Variants in RGS10 observed in about 807,000 individuals in gnomAD.
RGS10 encodes the protein regulator of G protein signaling 10.
Under a neutral mutation model 23.5 loss-of-function variants are expected in RGS10, and 11 were observed. That is an observed-to-expected ratio of 0.47 (90% CI 0.29 to 0.77). The LOEUF (loss-of-function observed/expected upper bound fraction) is 0.77. Among genes scored for constraint, RGS10 ranks in the 30% least tolerant of loss-of-function variants. The pLI, the probability that RGS10 is intolerant of heterozygous loss-of-function variation, is 0.08. For synonymous variants in RGS10, 77 were observed against 83.2 expected, an observed-to-expected ratio of 0.92 and a Z score of 0.41; for missense variants, 180 against 226.3, an observed-to-expected ratio of 0.80 and a Z score of 1.31.
At chr10:119,506,204 C>G (rs563653075) in intron 4 of RGS10, among the ~76,000 whole-genome samples, 6 of 152,202 alleles carry the variant, frequency 3.9e-5, no homozygotes, top group South Asian at 2.1e-4. Flanking sequence ...GTGCCTACCC[C>G]CTAAAGTGAA....
chr10:119,535,767 G>A (rs763777940), intron 1 of RGS10, among the ~76,000 whole-genome samples: 2 of 152,122 alleles, frequency 1.3e-5, no homozygotes, highest in South Asian at 2.1e-4. Flanking sequence ...TTAAACATTC[G>A]AGTCCAGGAA....
At chr10:119,512,712 T>TA (rs1476575733) in intron 4 of RGS10, among the ~76,000 whole-genome samples, 1 of 152,128 alleles carries the variant, frequency 6.6e-6, no homozygotes, top group African/African-American at 2.4e-5. Flanking sequence ...CACGCCTGGC[T>TA]AATTTTTGTA....
intron 1 of RGS10, among the ~76,000 whole-genome samples, chr10:119,542,285 G>A (rs757209259): frequency 1.6e-4 from 25 of 152,212 alleles, no homozygotes; most frequent in Non-Finnish European, 3.2e-4. Context: ...GGAGCCCCAT[G>A]TCACCTCCAA....
chr10:119,540,141 C>T (rs1441400521), intron 1 of RGS10, among the ~76,000 whole-genome samples: 4 of 49,586 alleles, frequency 8.1e-5, no homozygotes, highest in Non-Finnish European at 2.6e-4. Context: ...AGACCCTACA[C>T]CTACAATTCC....
At chr10:119,523,357 A>G (rs1844240177) in intron 3 of RGS10, among the ~76,000 whole-genome samples, 1 of 152,162 alleles carries the variant, frequency 6.6e-6, no homozygotes, top group African/African-American at 2.4e-5. Flanking sequence ...GCTTAAGGAC[A>G]CAGACTTTCA....
chr10:119,518,151 GA>G (rs1285142774), intron 3 of RGS10, among the ~76,000 whole-genome samples: 4 of 152,254 alleles, frequency 2.6e-5, no homozygotes, highest in African/African-American at 9.6e-5. Context: ...GTCCGGGTAG[GA>G]ACAGAGCTGG....
At chr10:119,518,035 G>C (rs531534945) in intron 3 of RGS10, among the ~76,000 whole-genome samples, 5 of 152,364 alleles carry the variant, frequency 3.3e-5, no homozygotes, top group Non-Finnish European at 7.3e-5. Context: ...CCAGTCACGG[G>C]AAGGCCTGGT....
Position 119,526,124 on chromosome 10 carries a change from G to A in RGS10, c.169-6C>T, listed in dbSNP as rs749180550. The A allele has an allele frequency of 6.9e-7, 1 of 1,446,006 alleles. No individual in the cohort carries two copies. The highest frequency in any genetic ancestry group is 2.0e-5 in the Admixed American group (1 of 51,126). The allele number at this position is 1,446,006 out of a possible 1,614,324, so 89.6% of individuals were successfully genotyped here. A position where few individuals can be genotyped will look rare whatever the true frequency, so the allele number is the denominator to read the frequency against. On this transcript the variant is annotated splice_region_variant and splice_polypyrimidine_tract_variant and intron_variant, in intron 2 of 4. Coordinates refer to ENST00000369103, the MANE Select transcript of RGS10 (RefSeq NM_001005339.2). Reference sequence around the variant, plus strand: ...AATTCCTTTTTTAAAAATTCCTGTGGATACAAAGAAAAAGAGTCACACAGT... The same window carrying A: ...AATTCCTTTTTTAAAAATTCCTGTGAATACAAAGAAAAAGAGTCACACAGT...
rs1384643023 is a variant in RGS10 at position 119,515,524 on chromosome 10, C to G, written c.384G>C (p.Gln128His). ...ILEEPHPLMF[Q>H]KLQDQIFNLM... is the part of the protein sequence containing the mutation. ...GTCGGGTTACCTGGTCCTGGAGTTT[C>G]TGGAACATCAGAGGGTGCGGTTCTT... Residue 128 changes from glutamine to histidine, a missense_variant, in exon 4 of 5, where the codon CAG becomes CAC. Transcript: ENST00000369103. 2 of 1,614,032 alleles carry G rather than the reference C, an allele frequency of 1.2e-6. No homozygotes were observed. Among genetic ancestry groups the G allele is most frequent in the African/African-American group, 2.7e-5 (2 of 74,912 alleles).
chr10:119,515,229 C>T (rs140776148), intron 4 of RGS10, among the ~76,000 whole-genome samples: 2 of 152,180 alleles, frequency 1.3e-5, no homozygotes, highest in East Asian at 3.9e-4. Context: ...CAAATAGCTC[C>T]AGCCTCCCCT....
chr10:119,505,577 C>T (rs988278089), intron 4 of RGS10, among the ~76,000 whole-genome samples: 6 of 152,086 alleles, frequency 3.9e-5, no homozygotes, highest in African/African-American at 1.2e-4. Flanking sequence ...ACCTCCTCTC[C>T]AGATCCCAGA....
chr10:119,535,512 C>CAGACATTAATTAATGTCTAA (rs1844379710), intron 1 of RGS10, among the ~76,000 whole-genome samples: 1 of 152,154 alleles, frequency 6.6e-6, no homozygotes, highest in Non-Finnish European at 1.5e-5. Context: ...GAGACCTTCT[C>CAGACATTAATTAATGTCTAA]CAGACATTAA....
chr10:119,515,742 G>A, intron 3 of RGS10, 90 bp from the exon 4 acceptor site: 1 of 1,511,050 alleles, frequency 6.6e-7, no homozygotes, highest in Non-Finnish European at 9.0e-7. Flanking sequence ...GCCCACAGGA[G>A]CTGCTGTGGC....
chr10:119,512,081 C>G (rs1844082890), intron 4 of RGS10, among the ~76,000 whole-genome samples: 1 of 152,160 alleles, frequency 6.6e-6, no homozygotes, highest in South Asian at 2.1e-4. Context: ...CGGTGCCCTA[C>G]AAAGTCAGAG....
intron 1 of RGS10, among the ~76,000 whole-genome samples, chr10:119,540,064 C>G (rs991311799): frequency 6.6e-6 from 1 of 152,014 alleles, no homozygotes; most frequent in African/African-American, 2.4e-5. Flanking sequence ...TAGGCTTCTT[C>G]TTTTCACACG....
intron 1 of RGS10, among the ~76,000 whole-genome samples, chr10:119,535,842 C>A (rs1844382475): frequency 6.6e-6 from 1 of 152,198 alleles, no homozygotes; most frequent in South Asian, 2.1e-4. Context: ...CAGGCGTGCA[C>A]ACACACACTG....
At chr10:119,518,326 C>G (rs929849521) in intron 3 of RGS10, among the ~76,000 whole-genome samples, 1 of 152,146 alleles carries the variant, frequency 6.6e-6, no homozygotes, top group Non-Finnish European at 1.5e-5. Flanking sequence ...GGAGAGGGCC[C>G]CACCTTGGCC....
At chr10:119,506,278 A>G (rs552377511) in intron 4 of RGS10, among the ~76,000 whole-genome samples, 1 of 152,360 alleles carries the variant, frequency 6.6e-6, no homozygotes, top group South Asian at 2.1e-4. Context: ...CAGCTGGCAG[A>G]CAGCAGATGA....
At chr10:119,502,458 G>A (rs1843962518) in intron 4 of RGS10, among the ~76,000 whole-genome samples, 1 of 152,248 alleles carries the variant, frequency 6.6e-6, no homozygotes, top group Non-Finnish European at 1.5e-5. Flanking sequence ...ACTCTAAGCA[G>A]GATGCGGTGC....
Sources: gnomAD v4.1 joint callset for allele counts (sites outside exome capture counted in the v4.1 genomes callset) on GRCh38, gnomAD v4.1.1 for gene constraint, MANE v1.5 for transcripts, NCBI Gene and HGNC (gene_info 2026-07-23, HGNC 2026-07-21) for gene names.